The following CD200R1L variants were observed in gnomAD, a reference collection of about 807,000 sequenced individuals.
The protein encoded by CD200R1L is cell surface glycoprotein CD200 receptor 2.
CD200R1L carries 14 observed loss-of-function variants against 24.8 expected under a neutral mutation model. The ratio of observed to expected loss-of-function variants is 0.56; its 90% CI spans 0.37 to 0.88. CD200R1L has a LOEUF of 0.88. CD200R1L is among the 40% of genes least tolerant of loss of function. The probability of loss-of-function intolerance (pLI) is 0.00; values close to 1 mark genes in which losing one functional copy is unlikely to be tolerated. For missense variants in CD200R1L, 299 were observed against 297.8 expected, an observed-to-expected ratio of 1.00 and a Z score of -0.03; for synonymous variants, 111 against 109.2, an observed-to-expected ratio of 1.02 and a Z score of -0.11.
intron 2 of CD200R1L, chr3:112,841,328 C>G (rs537807877): frequency 2.2e-6 from 1 of 446,732 alleles, no homozygotes; most frequent in African/African-American, 2.0e-5. Flanking sequence ...CCTCCTCAGC[C>G]ATGCTTCCTG....
At chr3:112,822,097 T>C (rs1363392617) in intron 6 of CD200R1L, among the ~76,000 whole-genome samples, 1 of 152,190 alleles carries the variant, frequency 6.6e-6, no homozygotes, top group Admixed American at 6.5e-5. Context: ...AAAATAAAAG[T>C]AGTGGTTCCA....
chr3:112,836,966 T>C (rs1938964824), intron 3 of CD200R1L, among the ~76,000 whole-genome samples: 2 of 152,240 alleles, frequency 1.3e-5, no homozygotes, highest in African/African-American at 4.8e-5. Flanking sequence ...AATTATCTGT[T>C]CCTTAAAGGC....
At chr3:112,818,558 C>T (rs1559919446) in intron 7 of CD200R1L, among the ~76,000 whole-genome samples, 5 of 152,266 alleles carry the variant, frequency 3.3e-5, no homozygotes, top group Admixed American at 1.3e-4. Context: ...GGAAGGTCAG[C>T]TACTAGCTGA....
intron 3 of CD200R1L, among the ~76,000 whole-genome samples, chr3:112,831,538 A>G (rs946407188): frequency 2.0e-5 from 3 of 152,198 alleles, no homozygotes; most frequent in African/African-American, 7.2e-5. Context: ...TTGAAAATAA[A>G]ATCATTACAA....
chr3:112,818,503 T>C (rs1576083731), intron 7 of CD200R1L, among the ~76,000 whole-genome samples: 1 of 152,206 alleles, frequency 6.6e-6, no homozygotes, highest in African/African-American at 2.4e-5. Context: ...AGTCCAAACA[T>C]GCAATACTAC....
intron 2 of CD200R1L, among the ~76,000 whole-genome samples, chr3:112,843,894 G>A (rs1350742859): frequency 6.6e-6 from 1 of 151,790 alleles, no homozygotes; most frequent in African/African-American, 2.4e-5. Context: ...AAAGAGCAGG[G>A]GTCACTATTC....
chr3:112,832,577 T>C lies in CD200R1L; in HGVS notation c.-17-3193A>G, dbSNP rs193289708. Among the ~76,000 whole-genome samples the C allele has an allele frequency of 3.2e-4, 49 of 152,322 alleles. No homozygotes were observed. In the East Asian group the frequency reaches 7.7e-3, roughly 24 times the overall value. On this transcript the variant is annotated intron_variant, in intron 3 of 7. Transcript: ENST00000488794. ...TATACTAAAATAGTGGTCCCCATCA[T>C]GTCTCTTACTTAATTTACCAGTTAG...
chr3:112,826,313 CATAT>C (rs763527124), intron 6 of CD200R1L, among the ~76,000 whole-genome samples: 3 of 151,930 alleles, frequency 2.0e-5, no homozygotes, highest in Non-Finnish European at 4.4e-5. Flanking sequence ...AACATGTTTT[CATAT>C]ATATGTAATT....
intron 3 of CD200R1L, among the ~76,000 whole-genome samples, chr3:112,831,019 G>A (rs73225761): frequency 0.047 from 7,155 of 152,206 alleles, 192 homozygotes; most frequent in Non-Finnish European, 0.06. Flanking sequence ...ATAGGGGGGA[G>A]GCATGGTTAC....
At chr3:112,834,015 G>A (rs571077731) in intron 3 of CD200R1L, among the ~76,000 whole-genome samples, 1 of 152,304 alleles carries the variant, frequency 6.6e-6, no homozygotes, top group Admixed American at 6.5e-5. Flanking sequence ...AGGACAAGAA[G>A]GTGTGGGGTA....
chr3:112,840,940 T>G (rs111937309), intron 2 of CD200R1L, among the ~76,000 whole-genome samples: 4 of 152,196 alleles, frequency 2.6e-5, no homozygotes, highest in African/African-American at 9.7e-5. Context: ...GTTTTGATTC[T>G]TAGGAGCTAT....
chr3:112,830,986 T>A (rs1938783912), intron 3 of CD200R1L, among the ~76,000 whole-genome samples: 1 of 152,052 alleles, frequency 6.6e-6, no homozygotes, highest in Admixed American at 6.5e-5. Context: ...CACGGACCCA[T>A]CTCCTTGGTT....
intron 7 of CD200R1L, among the ~76,000 whole-genome samples, chr3:112,816,410 G>C (rs907333887): frequency 6.6e-6 from 1 of 152,168 alleles, no homozygotes; most frequent in African/African-American, 2.4e-5. Context: ...AGAACTTCTT[G>C]AGACCTGTGC....
intron 3 of CD200R1L, among the ~76,000 whole-genome samples, chr3:112,837,546 T>C (rs16860145): frequency 0.11 from 17,195 of 152,198 alleles, 999 homozygotes; most frequent in East Asian, 0.19. Flanking sequence ...GGCCTCTTTT[T>C]TCCAATAATT....
intron 2 of CD200R1L, among the ~76,000 whole-genome samples, chr3:112,840,052 A>G (rs1175633403): frequency 6.6e-6 from 1 of 152,228 alleles, no homozygotes; most frequent in African/African-American, 2.4e-5. Context: ...AATCTGGACA[A>G]TATGTATAGG....
Position 112,829,318 on chromosome 3 carries a change from C to A in CD200R1L, c.49+1G>T, listed in dbSNP as rs778767697. The A allele has an allele frequency of 3.1e-6, 5 of 1,612,924 alleles. No individual in the cohort carries two copies. The Admixed American group carries it at 8.3e-5, about 27-fold the overall frequency. ...TGGCCACTACTAAGGGAGCATATTA[C>A]CTTCTGCAAAAATTGTTGAATAGTT... On this transcript the variant is annotated splice_donor_variant, in intron 4 of 7. Coordinates refer to ENST00000488794, the MANE Select transcript of CD200R1L (RefSeq NM_001199215.3). LOFTEE classifies it high-confidence loss of function.
At position 112,819,806 on chromosome 3, in the gene CD200R1L, C is replaced by T. The variant is rs1396639532; in HGVS notation, c.706G>A (p.Gly236Arg). 6.2e-7 allele frequency: 1 copy of T among 1,611,150 alleles called. No individual in the cohort carries two copies. The highest frequency in any genetic ancestry group is 1.7e-5 in the Admixed American group (1 of 59,462). ...TTTATCCTCTGGAAGAAAACAAATC[C>T]TGTGGTGACCAGAATGACCACAAAA... ...SLFVVILVTT[G>R]FVFFQRINHV... The change falls in exon 7 of 8, where the codon GGA (glycine) becomes AGA (arginine). Residue 236 changes from glycine to arginine, a missense_variant. Transcript: ENST00000488794.
At chr3:112,828,460 T>C (rs1285013622) in intron 4 of CD200R1L, among the ~76,000 whole-genome samples, 1 of 152,218 alleles carries the variant, frequency 6.6e-6, no homozygotes, top group East Asian at 1.9e-4. Context: ...TAGTGTGGCA[T>C]ATAATTTTTA....
intron 2 of CD200R1L, among the ~76,000 whole-genome samples, chr3:112,843,834 G>A (rs1939136560): frequency 6.6e-6 from 1 of 151,970 alleles, no homozygotes; most frequent in Non-Finnish European, 1.5e-5. Context: ...ACACACACAG[G>A]CTGAAAGTAA....
Sources: gnomAD v4.1 joint callset for allele counts (sites outside exome capture counted in the v4.1 genomes callset) on GRCh38, gnomAD v4.1.1 for gene constraint, MANE v1.5 for transcripts, NCBI Gene and HGNC (gene_info 2026-07-23, HGNC 2026-07-21) for gene names.